PUDP: variants seen among roughly 807,000 people sequenced by gnomAD.
PUDP encodes the protein pseudouridine 5'-phosphatase.
Under a neutral mutation model 9.4 loss-of-function variants are expected in PUDP, and 8 were observed. The ratio of observed to expected loss-of-function variants is 0.85; its 90% confidence interval spans 0.50 to 1.53. The LOEUF is 1.53. Ranked by LOEUF, PUDP falls within the 40% of genes most tolerant of loss-of-function variation. The pLI is 0.00. For synonymous variants in PUDP, 99 were observed against 80.7 expected, an observed-to-expected ratio of 1.23 and a Z score of -1.22; for missense variants, 188 against 189.7, an observed-to-expected ratio of 0.99 and a Z score of 0.05.
At chrX:7,052,926 T>TA (rs1430974426) in intron 3 of PUDP, among the ~76,000 whole-genome samples, 1 of 112,016 alleles carries the variant, frequency 8.9e-6, no homozygotes, top group Non-Finnish European at 1.9e-5. Flanking sequence ...TGACTCCACT[T>TA]AGACTGTCCA....
At position 6,777,092 on chromosome X, in the gene PUDP, A is replaced by G. The variant is rs1432057757; in HGVS notation, c.*248-70626T>C. ...ATGGGTTATTGGCTATTTTTATTCTATTGCAAATATTGCTGGATCACCAAT... is the reference window on the plus strand; with the variant it reads ...ATGGGTTATTGGCTATTTTTATTCTGTTGCAAATATTGCTGGATCACCAAT... On this transcript the variant is annotated intron_variant and NMD_transcript_variant, in intron 3 of 3. Transcript: ENST00000655425. Among the ~76,000 whole-genome samples, 3 of 112,117 alleles carry G rather than the reference A, an allele frequency of 2.7e-5. No homozygotes were observed. The Admixed American group carries it at 2.8e-4, about 11-fold the overall frequency.
chrX:6,909,205 A>G (rs756403800), intron 3 of PUDP, among the ~76,000 whole-genome samples: 80 of 112,018 alleles, frequency 7.1e-4, no homozygotes, highest in Non-Finnish European at 1.4e-3. Context: ...CTTTTTTGGA[A>G]CTTTAAAAAT....
chrX:6,752,009 T>C (rs190831208), intron 3 of PUDP, among the ~76,000 whole-genome samples: 60 of 111,475 alleles, frequency 5.4e-4, no homozygotes, highest in African/African-American at 1.8e-3. Flanking sequence ...CATCATTTCC[T>C]AAATTCCTCT....
intron 3 of PUDP, among the ~76,000 whole-genome samples, chrX:6,814,336 G>GA (rs752574581): frequency 3.5e-3 from 385 of 109,688 alleles, no homozygotes; most frequent in Non-Finnish European, 5.1e-3. Context: ...TAGTTGTTCT[G>GA]AAAAAAAACT....
At chrX:6,760,523 G>A (rs1925218043) in intron 3 of PUDP, among the ~76,000 whole-genome samples, 1 of 111,864 alleles carries the variant, frequency 8.9e-6, no homozygotes, top group South Asian at 3.8e-4. Context: ...TCTGTACTCA[G>A]GTGGTAGTTT....
chrX:6,775,688 A>T (rs1415787149), intron 3 of PUDP, among the ~76,000 whole-genome samples: 1 of 111,126 alleles, frequency 9.0e-6, no homozygotes, highest in African/African-American at 3.3e-5. Flanking sequence ...GATCTAGGTG[A>T]TGAGGGTGGA....
chrX:7,122,598 C>T (rs1932373494), intron 1 of PUDP, among the ~76,000 whole-genome samples: 1 of 111,704 alleles, frequency 9.0e-6, no homozygotes, highest in Non-Finnish European at 1.9e-5. Context: ...CCCCTGCCCC[C>T]GTTTTGAATC....
At chrX:6,776,148 C>T (rs996593290) in intron 3 of PUDP, among the ~76,000 whole-genome samples, 4 of 111,360 alleles carry the variant, frequency 3.6e-5, no homozygotes, top group African/African-American at 9.8e-5. Flanking sequence ...CAACCAAGGA[C>T]GGCCTTATTC....
chrX:7,015,039 C>T (rs1249547223), intron 1 of PUDP, among the ~76,000 whole-genome samples: 2 of 111,919 alleles, frequency 1.8e-5, no homozygotes, highest in Non-Finnish European at 3.8e-5. Context: ...ACTCCTACTC[C>T]GCTTAGTACT....
intron 3 of PUDP, among the ~76,000 whole-genome samples, chrX:6,969,495 A>G (rs757235339): frequency 1.8e-5 from 2 of 112,245 alleles, no homozygotes; most frequent in South Asian, 7.5e-4. Context: ...TCCCTTAAAC[A>G]CTAATAACAA....
chrX:6,899,710 G>GATA (rs1313242096), intron 3 of PUDP, among the ~76,000 whole-genome samples: 1 of 105,868 alleles, frequency 9.4e-6, no homozygotes, highest in Non-Finnish European at 2.0e-5. Context: ...TGATGATGAT[G>GATA]AAGATGAACT....
At position 7,148,123 on chromosome X, in the gene PUDP, T is replaced by C; in HGVS notation, c.-10A>G. On this transcript the variant is annotated 5_prime_UTR_variant, in exon 1 of 4. Transcript: ENST00000381077. Reference sequence around the variant, plus strand: ...GCGGGGGCGCCGCCATGGTGGCGCCTTCTGGGTCTGGGTGGGGGCGAGGAG... The same window carrying C: ...GCGGGGGCGCCGCCATGGTGGCGCCCTCTGGGTCTGGGTGGGGGCGAGGAG... 1 of 1,115,696 alleles carries C rather than the reference T, an allele frequency of 9.0e-7. No individual in the cohort carries two copies. The highest frequency in any genetic ancestry group is 1.2e-6 in the Non-Finnish European group (1 of 841,115). 91.9% of individuals were successfully genotyped at this position (1,115,696 alleles called of 1,213,427 possible). A position where few individuals can be genotyped will look rare whatever the true frequency, so the allele number is the denominator to read the frequency against.
chrX:6,778,823 G>A (rs1040960578), intron 3 of PUDP, among the ~76,000 whole-genome samples: 1 of 112,309 alleles, frequency 8.9e-6, no homozygotes, highest in Non-Finnish European at 1.9e-5. Context: ...CGGGGAGAGC[G>A]TGCCAGCTGG....
intron 3 of PUDP, among the ~76,000 whole-genome samples, chrX:6,839,712 C>T (rs1926637324): frequency 9.0e-6 from 1 of 111,643 alleles, no homozygotes. Flanking sequence ...AAACTGACAA[C>T]ATCAAATGCT....
chrX:6,783,284 T>C (rs192240281), intron 3 of PUDP, among the ~76,000 whole-genome samples: 330 of 112,033 alleles, frequency 2.9e-3, no homozygotes, highest in Non-Finnish European at 5.1e-3. Flanking sequence ...CCCATGATCT[T>C]TTTTTTATTT....
chrX:6,783,871 T>G (rs769757458), intron 3 of PUDP, among the ~76,000 whole-genome samples: 1 of 111,716 alleles, frequency 9.0e-6, no homozygotes, highest in South Asian at 3.8e-4. Flanking sequence ...CAGCCCAAGT[T>G]CGAAGGCCTG....
intron 3 of PUDP, among the ~76,000 whole-genome samples, chrX:6,963,193 A>T (rs1928733106): frequency 8.9e-6 from 1 of 112,492 alleles, no homozygotes; most frequent in Admixed American, 9.4e-5. Flanking sequence ...GTCAGCTGGA[A>T]GAAAGAGTAG....
intron 3 of PUDP, among the ~76,000 whole-genome samples, chrX:6,934,888 GC>G (rs1208943197): frequency 3.4e-5 from 3 of 87,051 alleles, no homozygotes; most frequent in Non-Finnish European, 6.8e-5. Context: ...GACAAAGAAG[GC>G]CATTACATAA....
intron 3 of PUDP, among the ~76,000 whole-genome samples, chrX:6,950,337 CA>C (rs779591166): frequency 1.1e-3 from 47 of 40,978 alleles, no homozygotes; most frequent in South Asian, 4.1e-3. Flanking sequence ...AGCTCTGTCT[CA>C]AAAAAAAAAA....
Sources: allele counts gnomAD v4.1 joint callset (sites outside exome capture counted in the v4.1 genomes callset), GRCh38; gene constraint gnomAD v4.1.1; transcripts MANE v1.5; gene names NCBI Gene and HGNC (gene_info 2026-07-23, HGNC 2026-07-21).